KIAA0040: variants seen among roughly 807,000 people sequenced by gnomAD.
The protein encoded by KIAA0040 is KIAA0040, also known as uncharacterized protein KIAA0040.
In KIAA0040, 10 loss-of-function variants were observed where a neutral mutation model predicts 7.2. The ratio of observed to expected loss-of-function variants is 1.38; its 90% confidence interval spans 0.85 to 2.34. The LOEUF (loss-of-function observed/expected upper bound fraction) is 2.34. Ranked by LOEUF, KIAA0040 falls within the 30% of genes most tolerant of loss-of-function variation. The pLI, the probability that KIAA0040 is intolerant of heterozygous loss-of-function variation, is 0.00. For synonymous variants in KIAA0040, 49 were observed against 40.1 expected (o/e 1.22, Z -0.84); for missense variants, 89 against 108.2 (o/e 0.82, Z 0.79).
intron 1 of KIAA0040, among the ~76,000 whole-genome samples, chr1:175,182,622 C>T (rs918606688): frequency 3.3e-5 from 5 of 152,218 alleles, no homozygotes; most frequent in African/African-American, 9.7e-5. Flanking sequence ...TACGCTCTCA[C>T]CCAGCTTGTG....
chr1:175,176,037 TA>T (rs1006955938), intron 2 of KIAA0040, among the ~76,000 whole-genome samples: 5 of 152,050 alleles, frequency 3.3e-5, no homozygotes, highest in Non-Finnish European at 5.9e-5. Context: ...AAAATAAAAA[TA>T]AAAAAATAAA....
At chr1:175,181,403 C>A (rs1436798704) in intron 1 of KIAA0040, among the ~76,000 whole-genome samples, 1 of 152,200 alleles carries the variant, frequency 6.6e-6, no homozygotes, top group Non-Finnish European at 1.5e-5. Flanking sequence ...CCATTCTCTG[C>A]TGTACAGCAG....
Position 175,161,126 on chromosome 1 carries a change from T to C in KIAA0040, c.-113A>G. On this transcript the variant is annotated 5_prime_UTR_variant, in exon 4 of 4. Coordinates refer to ENST00000423313, the MANE Select transcript of KIAA0040 (RefSeq NM_014656.3). ...TTTATTCCTCTTCCAGCTTTGGGTTTGGGCATGCCACTGGCAGCACCTGAA... is the reference window on the plus strand; with the variant it reads ...TTTATTCCTCTTCCAGCTTTGGGTTCGGGCATGCCACTGGCAGCACCTGAA... 1 of 1,009,424 alleles carries C rather than the reference T, an allele frequency of 9.9e-7. No individual in the cohort carries two copies. The highest frequency in any genetic ancestry group is 1.4e-6 in the Non-Finnish European group (1 of 696,474). 62.5% of individuals were successfully genotyped at this position (1,009,424 alleles called of 1,614,324 possible). A position where few individuals can be genotyped will look rare whatever the true frequency, so the allele number is the denominator to read the frequency against.
At chr1:175,184,518 C>T (rs996515859) in intron 1 of KIAA0040, among the ~76,000 whole-genome samples, 3 of 152,218 alleles carry the variant, frequency 2.0e-5, no homozygotes, top group Non-Finnish European at 4.4e-5. Context: ...CAGGGCACAA[C>T]TGTTTTGAGA....
rs759713799 is a variant in KIAA0040, at chr1:175,160,805, TTCTTCTTCTTCTTG to T, written c.195_208del (p.Asn65LysfsTer8). ...TTCTTCATCCTTCTTCTTCTTCTTCTTCTTCTTCTTCTTGTTCTTCTCTGGCTGCTGGCCCCTCT... is the reference window on the plus strand; with the variant it reads ...TTCTTCATCCTTCTTCTTCTTCTTCTTTCTTCTCTGGCTGCTGGCCCCTCT... On this transcript the variant is annotated frameshift_variant, in exon 4 of 4. Coordinates refer to ENST00000423313, the MANE Select transcript of KIAA0040 (RefSeq NM_014656.3). LOFTEE classifies it high-confidence loss of function. 2,252 of 1,550,244 alleles carry T rather than the reference TTCTTCTTCTTCTTG, an allele frequency of 1.5e-3. 8 individuals are homozygous for T. The highest frequency in any genetic ancestry group is 1.8e-3 in the Non-Finnish European group (2,080 of 1,146,858).
At chr1:175,179,539 C>A (rs1677353328) in intron 1 of KIAA0040, among the ~76,000 whole-genome samples, 1 of 152,124 alleles carries the variant, frequency 6.6e-6, no homozygotes, top group African/African-American at 2.4e-5. Context: ...CCAAACCAAT[C>A]AGAAAGAAAT....
At chr1:175,177,143 G>C (rs1298096362) in intron 2 of KIAA0040, among the ~76,000 whole-genome samples, 2 of 152,156 alleles carry the variant, frequency 1.3e-5, no homozygotes, top group African/African-American at 4.8e-5. Flanking sequence ...CCTTGTCTCT[G>C]GGCTCTCCAT....
rs555891232 is a variant in KIAA0040 at position 175,158,424 on chromosome 1, T to G, written c.*2290A>C. The G allele has an allele frequency of 6.6e-6, 1 of 152,224 alleles. No homozygotes were observed. The highest frequency in any genetic ancestry group is 6.5e-5 in the Admixed American group (1 of 15,302). The allele number at this position is 152,224 out of a possible 1,614,324, so 9.4% of individuals were successfully genotyped here. A position where few individuals can be genotyped will look rare whatever the true frequency, so the allele number is the denominator to read the frequency against. On this transcript the variant is annotated 3_prime_UTR_variant, in exon 4 of 4. Transcript: ENST00000423313. ...GAGCAAGCAGTTGCCATGGAAACCATGTTACTTGTATGGTCCCGGATCCCG... is the reference window on the plus strand; with the variant it reads ...GAGCAAGCAGTTGCCATGGAAACCAGGTTACTTGTATGGTCCCGGATCCCG...
intron 3 of KIAA0040, among the ~76,000 whole-genome samples, chr1:175,162,842 A>C (rs1676600474): frequency 6.6e-6 from 1 of 152,188 alleles, no homozygotes; most frequent in African/African-American, 2.4e-5. Context: ...CAAGCGTACA[A>C]ATTGGCACCT....
chr1:175,172,694 C>T (rs1677034814), intron 2 of KIAA0040, among the ~76,000 whole-genome samples: 1 of 152,226 alleles, frequency 6.6e-6, no homozygotes, highest in Non-Finnish European at 1.5e-5. Flanking sequence ...CCATCTTTCT[C>T]AGAGGGCTAG....
chr1:175,186,490 G>A (rs1014890247), intron 1 of KIAA0040, among the ~76,000 whole-genome samples: 1 of 152,150 alleles, frequency 6.6e-6, no homozygotes, highest in African/African-American at 2.4e-5. Context: ...AGGAGCATCC[G>A]AACTTCTTCC....
intron 3 of KIAA0040, 101 bp downstream of exon 3, chr1:175,166,461 G>C (rs1676768093): frequency 1.3e-5 from 2 of 152,188 alleles, no homozygotes. Context: ...GGGAATAATT[G>C]AATAAGCAAG....
chr1:175,169,614 A>C (rs941808378), intron 2 of KIAA0040, among the ~76,000 whole-genome samples: 1 of 152,174 alleles, frequency 6.6e-6, no homozygotes, highest in Non-Finnish European at 1.5e-5. Flanking sequence ...TGGAGTCATG[A>C]CTTTGATTAT....
intron 1 of KIAA0040, among the ~76,000 whole-genome samples, chr1:175,185,141 A>G (rs1677607148): frequency 6.6e-6 from 1 of 152,254 alleles, no homozygotes; most frequent in African/African-American, 2.4e-5. Context: ...ATTGGATTTT[A>G]AATTAGGGAT....
At chr1:175,161,928 G>T (rs927047168) in intron 3 of KIAA0040, among the ~76,000 whole-genome samples, 2 of 152,112 alleles carry the variant, frequency 1.3e-5, no homozygotes, top group African/African-American at 4.8e-5. Context: ...AAAGTCTCCT[G>T]CTCTCTTTCT....
chr1:175,162,059 T>G (rs1676563874), intron 3 of KIAA0040, among the ~76,000 whole-genome samples: 1 of 152,136 alleles, frequency 6.6e-6, no homozygotes. Flanking sequence ...GCCATTCTCC[T>G]GGTTGCTTGT....
chr1:175,186,069 G>A (rs186375645), intron 1 of KIAA0040, among the ~76,000 whole-genome samples: 1 of 152,168 alleles, frequency 6.6e-6, no homozygotes, highest in African/African-American at 2.4e-5. Context: ...AATGGTTATG[G>A]GTTTTTATTT....
At chr1:175,170,260 C>A (rs76967569) in intron 2 of KIAA0040, among the ~76,000 whole-genome samples, 1,799 of 152,278 alleles carry the variant, frequency 0.012, 42 homozygotes, top group African/African-American at 0.042. Context: ...AGGGCTTGAG[C>A]TAGGGGCACT....
In KIAA0040 at chr1:175,160,376, C is replaced by T. The variant is rs1571181350; in HGVS notation, c.*338G>A. The T allele has an allele frequency of 3.8e-6, 1 of 262,706 alleles. No homozygotes were observed. The highest frequency in any genetic ancestry group is 8.8e-5 in the East Asian group (1 of 11,410). 16.3% of individuals were successfully genotyped at this position (262,706 alleles called of 1,614,324 possible). On this transcript the variant is annotated 3_prime_UTR_variant, in exon 4 of 4. Coordinates refer to ENST00000423313, the MANE Select transcript of KIAA0040 (RefSeq NM_014656.3). ...AATTTGTGTGTGTGTGTGTTACGTG[C>T]ATGTGCACACACTTGGGAACCATAT...
Sources: gnomAD v4.1 joint callset for allele counts (sites outside exome capture counted in the v4.1 genomes callset) on GRCh38, gnomAD v4.1.1 for gene constraint, MANE v1.5 for transcripts, NCBI Gene and HGNC (gene_info 2026-07-23, HGNC 2026-07-21) for gene names.